Variants in SPATA9 observed in about 807,000 individuals in gnomAD.
The protein encoded by SPATA9 is spermatogenesis-associated protein 9.
A neutral mutation model predicts 25.5 loss-of-function variants in SPATA9; 27 were observed. That is an observed-to-expected ratio of 1.06 (90% CI 0.78 to 1.46). SPATA9 has a LOEUF of 1.46. Ranked by LOEUF, SPATA9 falls within the 40% of genes most tolerant of loss-of-function variation. The pLI, the probability that SPATA9 is intolerant of heterozygous loss-of-function variation, is 0.00. For missense variants in SPATA9, 282 were observed against 297.5 expected, an observed-to-expected ratio of 0.95 and a Z score of 0.38; for synonymous variants, 102 against 105.7, an observed-to-expected ratio of 0.97 and a Z score of 0.21.
intron 1 of SPATA9, among the ~76,000 whole-genome samples, chr5:95,694,003 A>G (rs1484010974): frequency 1.3e-5 from 2 of 152,104 alleles, no homozygotes; most frequent in African/African-American, 2.4e-5. Flanking sequence ...TCTTCAAAAC[A>G]TAAAAAAGTA....
At chr5:95,680,266 T>C (rs1258091252) in intron 2 of SPATA9, among the ~76,000 whole-genome samples, 1 of 152,158 alleles carries the variant, frequency 6.6e-6, no homozygotes, top group Non-Finnish European at 1.5e-5. Flanking sequence ...ACAATTACCT[T>C]CTATTCAGAA....
At chr5:95,664,179 G>C (rs112643780) in intron 3 of SPATA9, 131 bp from the exon 4 acceptor site, 5 of 453,756 alleles carry the variant, frequency 1.1e-5, no homozygotes, top group African/African-American at 4.1e-5. Flanking sequence ...AGCTATCTGG[G>C]CTTTTTCACA....
At position 95,682,926 on chromosome 5, in the gene SPATA9, A is replaced by G. The variant is rs560535231; in HGVS notation, c.-72T>C. 2.8e-6 allele frequency: 4 copies of G among 1,421,594 alleles called. No homozygotes were observed. Among genetic ancestry groups the G allele is most frequent in the South Asian group, 4.0e-5 (2 of 49,838 alleles). 88.1% of individuals were successfully genotyped at this position (1,421,594 alleles called of 1,614,324 possible). A position where few individuals can be genotyped will look rare whatever the true frequency, so the allele number is the denominator to read the frequency against. ...TGGGTAATGCTTGTCCTAGTCTGCC[A>G]TTAGTGAAAGATGAGGGTAGCCTTC... On this transcript the variant is annotated 5_prime_UTR_variant, in exon 1 of 5. It removes an upstream start codon present in the reference 5' UTR. Coordinates refer to ENST00000274432, the MANE Select transcript of SPATA9 (RefSeq NM_031952.4).
chr5:95,682,398 T>C, intron 2 of SPATA9, 130 bp downstream of exon 2: 1 of 675,440 alleles, frequency 1.5e-6, no homozygotes, highest in Non-Finnish European at 2.4e-6. Flanking sequence ...AATTTGTTTT[T>C]CTGAGGCAAA....
intron 4 of SPATA9, chr5:95,659,539 T>A (rs1388792008): frequency 1.3e-5 from 2 of 152,184 alleles, no homozygotes; most frequent in East Asian, 3.8e-4. Context: ...ATGAAGATGA[T>A]GATGATGCTG....
chr5:95,702,324 C>T (rs1277554724), upstream of SPATA9, among the ~76,000 whole-genome samples: 10 of 152,100 alleles, frequency 6.6e-5, no homozygotes, highest in African/African-American at 1.9e-4. Flanking sequence ...TTTAAAAATA[C>T]GTATCTGATT....
At chr5:95,717,676 C>G in the SPATA9 span, 1 of 151,998 alleles carries the variant, frequency 6.6e-6, no homozygotes, top group South Asian at 2.1e-4. Context: ...AGGAATCTGT[C>G]GATATACAAG....
upstream of SPATA9, among the ~76,000 whole-genome samples, chr5:95,683,399 C>T (rs984693283): frequency 3.3e-5 from 5 of 152,068 alleles, no homozygotes; most frequent in Non-Finnish European, 5.9e-5. Context: ...GCTTTATAAT[C>T]TCAATCTCTT....
chr5:95,676,664 T>C (rs1209705206), intron 2 of SPATA9, among the ~76,000 whole-genome samples: 2 of 152,192 alleles, frequency 1.3e-5, no homozygotes, highest in Non-Finnish European at 2.9e-5. Context: ...GTCTATTATA[T>C]TTGAATTCTA....
chr5:95,664,992 G>C (rs1751633504), intron 3 of SPATA9, among the ~76,000 whole-genome samples: 1 of 152,132 alleles, frequency 6.6e-6, no homozygotes, highest in Non-Finnish European at 1.5e-5. Context: ...AATGATTCCA[G>C]AATAGTTAGG....
At chr5:95,653,781 G>T (rs114562006), downstream of SPATA9, among the ~76,000 whole-genome samples, 11 of 151,962 alleles carry the variant, frequency 7.2e-5, no homozygotes, top group Non-Finnish European at 1.5e-4. Flanking sequence ...TCCTGTAATC[G>T]CAGCTACTCG....
the SPATA9 span, among the ~76,000 whole-genome samples, chr5:95,720,629 C>CT: frequency 6.1e-4 from 88 of 143,544 alleles, 1 homozygote; most frequent in Non-Finnish European, 5.5e-4. Flanking sequence ...GTAAACTCTG[C>CT]TTTTTTTTTT....
At chr5:95,730,351 G>C in the SPATA9 span, among the ~76,000 whole-genome samples, 1 of 152,190 alleles carries the variant, frequency 6.6e-6, no homozygotes, top group South Asian at 2.1e-4. Flanking sequence ...GTAAGGTACT[G>C]GTTAGAATTT....
upstream of SPATA9, among the ~76,000 whole-genome samples, chr5:95,684,288 T>C (rs1227727523): frequency 1.3e-5 from 2 of 152,154 alleles, no homozygotes; most frequent in East Asian, 1.9e-4. Context: ...AGCAAGATAG[T>C]TGGTCATCAG....
the SPATA9 span, among the ~76,000 whole-genome samples, chr5:95,715,196 T>A: frequency 1.3e-5 from 2 of 151,778 alleles, no homozygotes; most frequent in Admixed American, 6.6e-5. Context: ...TGGTGGTGCA[T>A]GCCTGTAGTC....
chr5:95,667,969 T>G (rs1264959023), intron 3 of SPATA9, among the ~76,000 whole-genome samples: 1 of 152,208 alleles, frequency 6.6e-6, no homozygotes, highest in Non-Finnish European at 1.5e-5. Flanking sequence ...TGTGAAGTGC[T>G]GGTTTCCCCT....
intron 4 of SPATA9, chr5:95,659,717 A>G (rs549900036): frequency 1.6e-4 from 24 of 152,352 alleles, no homozygotes; most frequent in African/African-American, 5.8e-4. Context: ...AGGCTTGAAC[A>G]GCCTCAACTT....
chr5:95,731,514 T>C, the SPATA9 span: 5 of 1,256,572 alleles, frequency 4.0e-6, no homozygotes, highest in African/African-American at 3.1e-5. Context: ...GCTCGCTGGC[T>C]GGCGCGGCCC....
the SPATA9 span, among the ~76,000 whole-genome samples, chr5:95,726,435 T>C: frequency 1.2e-4 from 19 of 152,262 alleles, 1 homozygote; most frequent in Admixed American, 1.2e-3. Flanking sequence ...TCGCCTTCAA[T>C]ACTTTGGTGT....
Sources: allele counts gnomAD v4.1 joint callset (sites outside exome capture counted in the v4.1 genomes callset), GRCh38; gene constraint gnomAD v4.1.1; transcripts MANE v1.5; gene names NCBI Gene and HGNC (gene_info 2026-07-23, HGNC 2026-07-21).